PCDH9: variants seen among roughly 807,000 people sequenced by gnomAD.
The protein encoded by PCDH9 is protocadherin 9, also known as protocadherin-9.
In PCDH9, 24 loss-of-function variants were observed where a neutral mutation model predicts 70.6. The observed-to-expected ratio is 0.34, with a 90% confidence interval of 0.25 to 0.48. The LOEUF is 0.48. Among genes scored for constraint, PCDH9 ranks in the 20% least tolerant of loss-of-function variants. The pLI, the probability that PCDH9 is intolerant of heterozygous loss-of-function variation, is 0.99. For missense variants in PCDH9, 1,281 were observed against 1,503.6 expected (o/e 0.85, Z 2.45); for synonymous variants, 562 against 558.5 (o/e 1.01, Z -0.09).
chr13:66,307,609 T>A (rs1478925199), intron 4 of PCDH9, among the ~76,000 whole-genome samples: 1 of 152,088 alleles, frequency 6.6e-6, no homozygotes, highest in East Asian at 1.9e-4. Flanking sequence ...ACAAGCAAAC[T>A]TTTAATCTTT....
At chr13:67,124,291 G>T (rs181920958) in intron 2 of PCDH9, among the ~76,000 whole-genome samples, 7 of 152,210 alleles carry the variant, frequency 4.6e-5, no homozygotes, top group African/African-American at 1.7e-4. Flanking sequence ...AAAACCCTAT[G>T]CTCAGCTGGA....
intron 2 of PCDH9, among the ~76,000 whole-genome samples, chr13:67,127,676 ATGTGTGTG>A (rs142545550): frequency 2.7e-5 from 4 of 145,490 alleles, no homozygotes; most frequent in Non-Finnish European, 6.0e-5. Flanking sequence ...ATATATATAT[ATGTGTGTG>A]TGTGTGTGTG....
rs553919733 is a variant in PCDH9, at chr13:66,584,309, G to A, written c.3340+46901C>T. Among the ~76,000 whole-genome samples, 49 of 152,158 alleles carry A rather than the reference G, an allele frequency of 3.2e-4. 1 individual carries two copies. Among genetic ancestry groups the A allele is most frequent in the Middle Eastern group, 6.8e-3 (2 of 294 alleles). ...ACAGTGCAATATCTCAAAGCAATCCGAATAAAATATATACTCAACGGAATG... is the reference window on the plus strand; with the variant it reads ...ACAGTGCAATATCTCAAAGCAATCCAAATAAAATATATACTCAACGGAATG... On this transcript the variant is annotated intron_variant, in intron 4 of 4. Transcript: ENST00000377865.
chr13:67,172,299 TA>T, intron 2 of PCDH9, among the ~76,000 whole-genome samples: 1 of 152,334 alleles, frequency 6.6e-6, no homozygotes, highest in African/African-American at 2.4e-5. Flanking sequence ...GGCATCATTC[TA>T]AACATACCTC....
chr13:66,694,437 T>C (rs2078530618), intron 3 of PCDH9, among the ~76,000 whole-genome samples: 1 of 152,210 alleles, frequency 6.6e-6, no homozygotes, highest in Admixed American at 6.5e-5. Flanking sequence ...TGGCTTATAC[T>C]GATTGCATCA....
At chr13:66,433,360 A>G (rs1957808600) in intron 4 of PCDH9, among the ~76,000 whole-genome samples, 1 of 151,934 alleles carries the variant, frequency 6.6e-6, no homozygotes, top group African/African-American at 2.4e-5. Flanking sequence ...AAATCTAAGT[A>G]ACCTTAGCAA....
chr13:67,010,651 T>C (rs890423190), intron 2 of PCDH9, among the ~76,000 whole-genome samples: 1 of 152,030 alleles, frequency 6.6e-6, no homozygotes, highest in Non-Finnish European at 1.5e-5. Context: ...TTTTCCTTAG[T>C]TATGTATGCA....
At chr13:67,192,349 A>C (rs1461794276) in intron 2 of PCDH9, among the ~76,000 whole-genome samples, 1 of 152,186 alleles carries the variant, frequency 6.6e-6, no homozygotes, top group Non-Finnish European at 1.5e-5. Context: ...TTATTGACTT[A>C]AACTTATTTG....
intron 4 of PCDH9, among the ~76,000 whole-genome samples, chr13:66,426,030 ATGT>A (rs2138362358): frequency 6.6e-6 from 1 of 151,826 alleles, no homozygotes; most frequent in South Asian, 2.1e-4. Context: ...TCATGACGTC[ATGT>A]TATGTGGTAG....
intron 3 of PCDH9, among the ~76,000 whole-genome samples, chr13:66,793,610 T>C (rs1367278614): frequency 6.6e-6 from 1 of 152,172 alleles, no homozygotes; most frequent in Non-Finnish European, 1.5e-5. Flanking sequence ...TATTATAATA[T>C]GGTTTATTGG....
chr13:66,315,034 C>T (rs750793251), intron 4 of PCDH9, among the ~76,000 whole-genome samples: 10 of 152,088 alleles, frequency 6.6e-5, no homozygotes, highest in African/African-American at 2.2e-4. Context: ...ATTCCAAGGA[C>T]GGGAAGGATT....
intron 3 of PCDH9, among the ~76,000 whole-genome samples, chr13:66,864,447 G>A (rs986249489): frequency 2.6e-5 from 4 of 152,008 alleles, no homozygotes; most frequent in Admixed American, 1.3e-4. Flanking sequence ...ATCTGCATAG[G>A]CTTCTTTTTG....
chr13:66,809,630 G>T (rs2080469336), intron 3 of PCDH9, among the ~76,000 whole-genome samples: 1 of 152,118 alleles, frequency 6.6e-6, no homozygotes, highest in Non-Finnish European at 1.5e-5. Context: ...GATTATAACA[G>T]TTTAGTATCT....
intron 2 of PCDH9, among the ~76,000 whole-genome samples, chr13:67,006,671 T>C (rs887041501): frequency 1.3e-5 from 2 of 152,210 alleles, no homozygotes; most frequent in African/African-American, 2.4e-5. Flanking sequence ...AGGTCATTTA[T>C]TCTAAAAGTG....
intron 4 of PCDH9, among the ~76,000 whole-genome samples, chr13:66,355,529 G>T (rs1347711874): frequency 6.6e-6 from 1 of 152,104 alleles, no homozygotes; most frequent in Non-Finnish European, 1.5e-5. Context: ...GGGCTGACAT[G>T]CTGTCTAGTG....
At chr13:66,859,982 G>A (rs1316530165) in intron 3 of PCDH9, among the ~76,000 whole-genome samples, 2 of 152,108 alleles carry the variant, frequency 1.3e-5, no homozygotes, top group Non-Finnish European at 2.9e-5. Flanking sequence ...TGTATTTTTA[G>A]GTCGTTAGTC....
chr13:67,123,032 C>T (rs968062148), intron 2 of PCDH9, among the ~76,000 whole-genome samples: 2 of 151,970 alleles, frequency 1.3e-5, no homozygotes, highest in African/African-American at 4.8e-5. Context: ...TTGTTTTGGG[C>T]ATTAATTCCT....
At chr13:66,626,276 G>T (rs552906896) in intron 4 of PCDH9, among the ~76,000 whole-genome samples, 5 of 152,260 alleles carry the variant, frequency 3.3e-5, no homozygotes, top group African/African-American at 1.2e-4. Flanking sequence ...GAAACCTAGA[G>T]GATAAAGACT....
chr13:66,835,929 G>C (rs2081010454), intron 3 of PCDH9, among the ~76,000 whole-genome samples: 1 of 151,978 alleles, frequency 6.6e-6, no homozygotes, highest in Non-Finnish European at 1.5e-5. Context: ...CTTAATTTGA[G>C]ATAAAAGTTA....
Sources: allele counts gnomAD v4.1 joint callset (sites outside exome capture counted in the v4.1 genomes callset), GRCh38; gene constraint gnomAD v4.1.1; transcripts MANE v1.5; gene names NCBI Gene and HGNC (gene_info 2026-07-23, HGNC 2026-07-21).